Variants in CNST observed in about 807,000 individuals in gnomAD.
CNST encodes the protein consortin.
Under a neutral mutation model 72.4 loss-of-function variants are expected in CNST, and 39 were observed. The observed-to-expected ratio is 0.54, with a 90% CI of 0.42 to 0.70. The LOEUF (loss-of-function observed/expected upper bound fraction) is 0.70, where lower values mean the gene tolerates loss of function less well. Among genes scored for constraint, CNST ranks in the 30% least tolerant of loss-of-function variants. The probability of loss-of-function intolerance (pLI) is 0.00; values close to 1 mark genes in which losing one functional copy is unlikely to be tolerated. For synonymous variants in CNST, 332 were observed against 320.1 expected, an observed-to-expected ratio of 1.04 and a Z score of -0.40; for missense variants, 871 against 868.5, an observed-to-expected ratio of 1.00 and a Z score of -0.04.
chr1:246,583,930 C>T (rs79289942), intron 1 of CNST, among the ~76,000 whole-genome samples: 2,983 of 152,186 alleles, frequency 0.02, 96 homozygotes, highest in African/African-American at 0.068. Flanking sequence ...TGTGAATTTG[C>T]CTGTAACTGT....
At position 246,636,139 on chromosome 1, in the gene CNST, C is replaced by G. The variant is rs185996957; in HGVS notation, c.818+1552C>G. On this transcript the variant is annotated intron_variant, in intron 6 of 10. Coordinates refer to ENST00000366513, the MANE Select transcript of CNST (RefSeq NM_152609.3). ...GTTCCAGGCCTTTTTTGACAAGACA[C>G]AATTGAGGTAGCTGAAGTTAGAGGG... Among the ~76,000 whole-genome samples the G allele has an allele frequency of 2.7e-3, 414 of 152,202 alleles. 4 individuals carry two copies. The highest frequency in any genetic ancestry group is 8.2e-3 in the African/African-American group (340 of 41,508).
In CNST at chr1:246,647,165, T is replaced by G. The variant is rs755455828; in HGVS notation, c.964T>G (p.Ser322Ala). The change falls in exon 9 of 11, where the codon TCA (serine) becomes GCA (alanine). Residue 322 changes from serine to alanine, a missense_variant. Coordinates refer to ENST00000366513, the MANE Select transcript of CNST (RefSeq NM_152609.3). Reference sequence around the variant, plus strand: ...GAGTAAAACTTGTCTCGGCACAGAGTCAAGTAAAGAAAGCCAACATACAGT... The same window carrying G: ...GAGTAAAACTTGTCTCGGCACAGAGGCAAGTAAAGAAAGCCAACATACAGT... ...SESKTCLGTE[S>A]SKESQHTVEP... is the part of the protein sequence containing the mutation. 1.2e-6 allele frequency: 2 copies of G among 1,612,698 alleles called. No homozygotes were observed. The highest frequency in any genetic ancestry group is 1.7e-6 in the Non-Finnish European group (2 of 1,179,514).
chr1:246,591,001 A>G (rs1316155878), intron 1 of CNST, among the ~76,000 whole-genome samples: 1 of 151,796 alleles, frequency 6.6e-6, no homozygotes, highest in Non-Finnish European at 1.5e-5. Context: ...ACTTTTTTCT[A>G]GGTTATTTTT....
At chr1:246,603,436 TTAAAA>T (rs1662445131) in intron 2 of CNST, among the ~76,000 whole-genome samples, 1 of 152,210 alleles carries the variant, frequency 6.6e-6, no homozygotes, top group Admixed American at 6.5e-5. Flanking sequence ...CTTCATTTGT[TTAAAA>T]TAATGGTTTC....
At chr1:246,653,036 G>A (rs936366067) in intron 9 of CNST, among the ~76,000 whole-genome samples, 5 of 151,896 alleles carry the variant, frequency 3.3e-5, no homozygotes, top group Non-Finnish European at 5.9e-5. Context: ...TTTAATCTAG[G>A]AGAGAGCAAC....
intron 1 of CNST, among the ~76,000 whole-genome samples, chr1:246,571,101 C>T (rs1458098413): frequency 6.6e-6 from 1 of 152,182 alleles, no homozygotes; most frequent in Non-Finnish European, 1.5e-5. Context: ...TTAAAGAACA[C>T]ATCATTAGCA....
intron 2 of CNST, among the ~76,000 whole-genome samples, chr1:246,612,077 A>T (rs951682655): frequency 6.6e-6 from 1 of 152,240 alleles, no homozygotes; most frequent in African/African-American, 2.4e-5. Flanking sequence ...AGTAGAATAG[A>T]GGTTTCCAGA....
intron 2 of CNST, among the ~76,000 whole-genome samples, chr1:246,599,972 A>G (rs942707028): frequency 6.6e-6 from 1 of 152,248 alleles, no homozygotes; most frequent in African/African-American, 2.4e-5. Context: ...GCAGTCTAGC[A>G]AGACGGGAGT....
intron 1 of CNST, among the ~76,000 whole-genome samples, chr1:246,567,749 T>C (rs1194018519): frequency 1.3e-5 from 2 of 152,230 alleles, no homozygotes; most frequent in East Asian, 3.8e-4. Flanking sequence ...TCATTGGTCT[T>C]AATTTGCTTA....
Position 246,647,344 on chromosome 1 carries a change from A to C in CNST, c.1143A>C (p.Ala381=). The C allele has an allele frequency of 6.2e-7, 1 of 1,614,124 alleles. No individual in the cohort carries two copies. Among genetic ancestry groups the C allele is most frequent in the East Asian group, 2.2e-5 (1 of 44,874 alleles). Residue 381 remains alanine, a synonymous_variant, in exon 9 of 11, where the codon GCA becomes GCC. Transcript: ENST00000366513. ...TCCACACCCAGTCCTCCGAGACAGC[A>C]GGGAGCCCGTCTGGGCCAGACTCTT... ...LALHTQSSET[A]GSPSGPDSSE...
intron 10 of CNST, 85 bp downstream of exon 10, chr1:246,660,419 A>C: frequency 1.4e-6 from 2 of 1,453,972 alleles, no homozygotes; most frequent in Non-Finnish European, 1.9e-6. Flanking sequence ...GACGTTTACT[A>C]ACAGGATTTG....
At chr1:246,639,894 C>T (rs1006256647) in intron 6 of CNST, among the ~76,000 whole-genome samples, 1 of 152,176 alleles carries the variant, frequency 6.6e-6, no homozygotes, top group East Asian at 1.9e-4. Context: ...GGAAGTGTCC[C>T]TGTCTGATGT....
chr1:246,624,075 CAA>C (rs1278814860), intron 3 of CNST, among the ~76,000 whole-genome samples: 3 of 152,106 alleles, frequency 2.0e-5, no homozygotes, highest in Non-Finnish European at 4.4e-5. Context: ...AATAGACAAA[CAA>C]AAAGTTCAAT....
chr1:246,640,694 G>T (rs1665628217), intron 6 of CNST, among the ~76,000 whole-genome samples: 1 of 152,174 alleles, frequency 6.6e-6, no homozygotes. Context: ...GTGAGACAGT[G>T]CCAGGTAATT....
In CNST at chr1:246,648,054, G is replaced by GTAAATGAAGTAAATTT; in HGVS notation, c.1836+19_1836+20insAATGAAGTAAATTTTA. 6.4e-7 allele frequency: 1 copy of GTAAATGAAGTAAATTT among 1,574,626 alleles called. No homozygotes were observed. The highest frequency in any genetic ancestry group is 1.2e-5 in the South Asian group (1 of 84,976). ...ATTGCAGAGGTAAATCAGAGATGAA[G>GTAAATGAAGTAAATTT]TACAATTAAAAGTAAAATGGCATTT... On this transcript the variant is annotated intron_variant, in intron 9 of 10. Transcript: ENST00000366513.
Position 246,651,785 on chromosome 1 carries a change from T to C in CNST, c.1836+3748T>C, listed in dbSNP as rs946783202. 1.5e-4 allele frequency among the ~76,000 whole-genome samples: 23 copies of C among 152,352 alleles called. 1 individual carries two copies. The highest frequency in any genetic ancestry group is 5.5e-4 in the African/African-American group (23 of 41,586). ...TTATCATCAAAAGTATAGTTTATAC[T>C]GTATACTGTTTTTAAAAAGCATCAA... On this transcript the variant is annotated intron_variant, in intron 9 of 10. Transcript: ENST00000366513.
In CNST at chr1:246,642,010, G is replaced by A. The variant is rs1419205117; in HGVS notation, c.910G>A (p.Glu304Lys). 1.2e-5 allele frequency: 19 copies of A among 1,611,358 alleles called. No individual in the cohort carries two copies. The South Asian group carries it at 2.1e-4, about 18-fold the overall frequency. The part of the protein sequence containing the change: ...TQLLVSEDPK[E>K]GGATTKESES... ...GTTACTAGTGTCTGAAGATCCAAAG[G>A]AAGGAGGAGCTACCACCAAAGAGTC... The change falls in exon 8 of 11, where the codon GAA becomes AAA. Residue 304 changes from glutamate to lysine, a missense_variant. Physicochemically the swap from Glu to Lys is moderately conservative, Grantham distance 56. Coordinates refer to ENST00000366513, the MANE Select transcript of CNST (RefSeq NM_152609.3).
chr1:246,567,194 G>C (rs1659763265), intron 1 of CNST, among the ~76,000 whole-genome samples: 1 of 152,182 alleles, frequency 6.6e-6, no homozygotes, highest in Non-Finnish European at 1.5e-5. Flanking sequence ...AGATGTAAAA[G>C]CTTACAATTC....
intron 2 of CNST, among the ~76,000 whole-genome samples, chr1:246,614,025 C>G (rs1404209905): frequency 1.3e-5 from 2 of 151,960 alleles, no homozygotes; most frequent in African/African-American, 2.4e-5. Flanking sequence ...CCTTCCCTAT[C>G]CTCAAAAATG....
Sources: allele counts gnomAD v4.1 joint callset (sites outside exome capture counted in the v4.1 genomes callset), GRCh38; gene constraint gnomAD v4.1.1; transcripts MANE v1.5; gene names NCBI Gene and HGNC (gene_info 2026-07-23, HGNC 2026-07-21).